BMP6: variants seen among roughly 807,000 people sequenced by gnomAD.
BMP6 encodes bone morphogenetic protein 6.
A neutral mutation model predicts 54.1 loss-of-function variants in BMP6; 17 were observed. That is an observed-to-expected ratio of 0.31 (90% CI 0.22 to 0.47). BMP6 has a LOEUF of 0.47. Ranked by LOEUF, BMP6 falls within the 20% of genes least tolerant of loss-of-function variation. BMP6 has a pLI of 1.00. For missense variants in BMP6, 720 were observed against 690.4 expected (o/e 1.04, Z -0.48); for synonymous variants, 328 against 291.2 (o/e 1.13, Z -1.28).
rs1213671529 is a variant in BMP6 at position 7,880,620 on chromosome 6, A to C, written c.*277A>C. On this transcript the variant is annotated 3_prime_UTR_variant, in exon 7 of 7. Coordinates refer to ENST00000283147, the MANE Select transcript of BMP6 (RefSeq NM_001718.6). ...GAAACATAACCGTGAAGCTCTTCCT[A>C]CCCTCCTCCCCCAAAAACCCACCAA... 2.2e-6 allele frequency: 1 copy of C among 457,068 alleles called. No homozygotes were observed. Among genetic ancestry groups the C allele is most frequent in the South Asian group, 3.1e-5 (1 of 32,194 alleles). The allele number at this position is 457,068 out of a possible 1,614,324, so 28.3% of individuals were successfully genotyped here. A position where few individuals can be genotyped will look rare whatever the true frequency, so the allele number is the denominator to read the frequency against.
intron 1 of BMP6, among the ~76,000 whole-genome samples, chr6:7,768,394 GT>G: frequency 6.6e-6 from 1 of 152,078 alleles, no homozygotes. Flanking sequence ...TTTCTCTGGC[GT>G]TGGTTCCTTT....
intron 2 of BMP6, among the ~76,000 whole-genome samples, chr6:7,850,557 T>A (rs1486553745): frequency 6.6e-6 from 1 of 152,164 alleles, no homozygotes; most frequent in Non-Finnish European, 1.5e-5. Flanking sequence ...ATTCACAAAA[T>A]CTTACCTATT....
chr6:7,871,790 T>C (rs1273996822), intron 4 of BMP6, among the ~76,000 whole-genome samples: 3 of 152,210 alleles, frequency 2.0e-5, no homozygotes, highest in Non-Finnish European at 4.4e-5. Context: ...GCAGTAGCGC[T>C]ACCTGTGTGT....
intron 1 of BMP6, among the ~76,000 whole-genome samples, chr6:7,770,941 A>G (rs1186567197): frequency 1.3e-5 from 2 of 152,234 alleles, no homozygotes; most frequent in Non-Finnish European, 2.9e-5. Flanking sequence ...ACATTCTGCC[A>G]GCATTGAGAG....
At chr6:7,806,924 T>A (rs1758354942) in intron 1 of BMP6, among the ~76,000 whole-genome samples, 1 of 152,232 alleles carries the variant, frequency 6.6e-6, no homozygotes, top group Admixed American at 6.5e-5. Flanking sequence ...TGGTTGATAC[T>A]CCCTGTCTTC....
At chr6:7,799,769 G>C (rs1439550639) in intron 1 of BMP6, among the ~76,000 whole-genome samples, 2 of 151,502 alleles carry the variant, frequency 1.3e-5, no homozygotes, top group Non-Finnish European at 2.9e-5. Flanking sequence ...AATGTCTCTG[G>C]TGCTTAAAAG....
intron 1 of BMP6, among the ~76,000 whole-genome samples, chr6:7,784,374 C>T (rs1000713889): frequency 2.0e-5 from 3 of 151,996 alleles, no homozygotes; most frequent in Non-Finnish European, 4.4e-5. Flanking sequence ...CCAAATGAAT[C>T]GACTGTCTTT....
intron 1 of BMP6, among the ~76,000 whole-genome samples, chr6:7,838,779 A>G (rs1056973801): frequency 2.6e-5 from 4 of 152,032 alleles, no homozygotes; most frequent in Non-Finnish European, 5.9e-5. Context: ...CGTCTCTACT[A>G]AAAATACAAA....
At chr6:7,806,193 CTT>C (rs1463866717) in intron 1 of BMP6, among the ~76,000 whole-genome samples, 2 of 152,262 alleles carry the variant, frequency 1.3e-5, no homozygotes, top group African/African-American at 2.4e-5. Context: ...CATCCTGAGA[CTT>C]TCCCTCACCC....
chr6:7,868,469 C>T (rs896542959), intron 4 of BMP6, among the ~76,000 whole-genome samples: 2 of 152,134 alleles, frequency 1.3e-5, no homozygotes, highest in Non-Finnish European at 2.9e-5. Context: ...CGAGTGGGAG[C>T]GAGAGGCTTG....
Position 7,881,416 on chromosome 6 carries a change from TC to T in BMP6, c.*1074del, listed in dbSNP as rs1759728469. Reference sequence around the variant, plus strand: ...AACTGATTAAATAATACATTTATAATCTACAACTGTTTGCACTTACAGCTTT... The same window carrying T: ...AACTGATTAAATAATACATTTATAATTACAACTGTTTGCACTTACAGCTTT... On this transcript the variant is annotated 3_prime_UTR_variant, in exon 7 of 7. Transcript: ENST00000283147. 1 of 152,662 alleles carries T rather than the reference TC, an allele frequency of 6.6e-6. No individual in the cohort carries two copies. Among genetic ancestry groups the T allele is most frequent in the South Asian group, 2.1e-4 (1 of 4,838 alleles). 9.5% of individuals were successfully genotyped at this position (152,662 alleles called of 1,614,324 possible).
chr6:7,849,557 C>T (rs189198796), intron 2 of BMP6, among the ~76,000 whole-genome samples: 1 of 152,124 alleles, frequency 6.6e-6, no homozygotes, highest in Non-Finnish European at 1.5e-5. Context: ...CACTCATGAT[C>T]TTTGTTCTGT....
chr6:7,835,272 G>A (rs888483418), intron 1 of BMP6, among the ~76,000 whole-genome samples: 4 of 152,090 alleles, frequency 2.6e-5, no homozygotes, highest in South Asian at 2.1e-4. Context: ...ACAGACACCC[G>A]CCACCAGGCC....
In BMP6 at chr6:7,879,871, C is replaced by G. The variant is rs902653053; in HGVS notation, c.1282-120C>G. ...AACTTGGACAAATTCCTAAGCCTTC[C>G]TGCGTCTGTATCCTTGCCTGTGCAA... On this transcript the variant is annotated intron_variant, in intron 5 of 6. Transcript: ENST00000283147. The G allele has an allele frequency of 3.0e-6, 3 of 1,014,400 alleles. No homozygotes were observed. In the East Asian group the frequency reaches 7.6e-5, roughly 26 times the overall value. 62.8% of individuals were successfully genotyped at this position (1,014,400 alleles called of 1,614,324 possible).
chr6:7,845,410 A>G (rs973246904), intron 2 of BMP6, 78 bp downstream of exon 2: 6 of 1,388,014 alleles, frequency 4.3e-6, no homozygotes, highest in African/African-American at 2.9e-5. Context: ...AACCCCAGCT[A>G]TGTCTGTGCA....
At chr6:7,840,387 A>G (rs1463180073) in intron 1 of BMP6, among the ~76,000 whole-genome samples, 1 of 152,156 alleles carries the variant, frequency 6.6e-6, no homozygotes, top group East Asian at 1.9e-4. Context: ...AGGTTGGGTG[A>G]TGGTTTCCTT....
chr6:7,785,096 G>A (rs1207242007), intron 1 of BMP6, among the ~76,000 whole-genome samples: 1 of 152,174 alleles, frequency 6.6e-6, no homozygotes, highest in African/African-American at 2.4e-5. Context: ...GACGCAGGGG[G>A]CCCCTCAAGG....
intron 1 of BMP6, among the ~76,000 whole-genome samples, chr6:7,814,784 C>T (rs931702999): frequency 6.6e-6 from 1 of 152,010 alleles, no homozygotes; most frequent in Non-Finnish European, 1.5e-5. Context: ...AACACATGGA[C>T]ACAAGGAGGG....
intron 1 of BMP6, among the ~76,000 whole-genome samples, chr6:7,802,459 C>T (rs1758283225): frequency 6.6e-6 from 1 of 152,222 alleles, no homozygotes; most frequent in Non-Finnish European, 1.5e-5. Context: ...CTTTATTGAA[C>T]TGTTTCCCAG....
Sources: allele counts gnomAD v4.1 joint callset (sites outside exome capture counted in the v4.1 genomes callset), GRCh38; gene constraint gnomAD v4.1.1; transcripts MANE v1.5; gene names NCBI Gene and HGNC (gene_info 2026-07-23, HGNC 2026-07-21).